The following SIPA1L2 variants were observed in gnomAD, a reference collection of about 807,000 sequenced individuals.
The protein encoded by SIPA1L2 is signal-induced proliferation-associated 1-like protein 2.
In SIPA1L2, 56 loss-of-function variants were observed where a neutral mutation model predicts 163.9. The observed-to-expected ratio is 0.34, with a 90% confidence interval of 0.28 to 0.43. SIPA1L2 has a LOEUF of 0.43. SIPA1L2 is among the 20% of genes least tolerant of loss of function. The pLI is 1.00. For synonymous variants in SIPA1L2, 877 were observed against 865.7 expected, an observed-to-expected ratio of 1.01 and a Z score of -0.23; for missense variants, 1,974 against 2,193.5, an observed-to-expected ratio of 0.90 and a Z score of 2.00.
At chr1:232,552,798 C>G (rs1037074646) in intron 2 of SIPA1L2, among the ~76,000 whole-genome samples, 5 of 152,170 alleles carry the variant, frequency 3.3e-5, no homozygotes, top group Non-Finnish European at 7.3e-5. Context: ...CATAAAATGG[C>G]CACTACAATT....
At chr1:232,457,321 C>T (rs527651783) in intron 10 of SIPA1L2, among the ~76,000 whole-genome samples, 9 of 152,240 alleles carry the variant, frequency 5.9e-5, no homozygotes, top group East Asian at 3.9e-4. Context: ...TTTTCTAAAA[C>T]GGGAGTTGAT....
At chr1:232,441,477 G>T in intron 13 of SIPA1L2, 83 bp from the exon 14 acceptor site, 1 of 1,172,850 alleles carries the variant, frequency 8.5e-7, no homozygotes, top group South Asian at 1.3e-5. Context: ...CAGACAAGTG[G>T]TTTGGTAAAC....
intron 1 of SIPA1L2, among the ~76,000 whole-genome samples, chr1:232,596,095 G>A (rs76325502): frequency 0.038 from 5,797 of 152,254 alleles, 159 homozygotes; most frequent in Non-Finnish European, 0.057. Context: ...GGTGAGGGTG[G>A]AGGCTAGACA....
intron 1 of SIPA1L2, among the ~76,000 whole-genome samples, chr1:232,599,152 C>A (rs879126718): frequency 6.6e-6 from 1 of 152,224 alleles, no homozygotes; most frequent in African/African-American, 2.4e-5. Context: ...TATGCTTAAA[C>A]CCTATAAAGT....
At chr1:232,562,250 TA>T (rs1659081577) in intron 2 of SIPA1L2, among the ~76,000 whole-genome samples, 1 of 152,240 alleles carries the variant, frequency 6.6e-6, no homozygotes, top group African/African-American at 2.4e-5. Flanking sequence ...CATGCGTCTG[TA>T]ACAGCAGCAG....
chr1:232,462,946 G>A (rs1664317103), intron 9 of SIPA1L2, among the ~76,000 whole-genome samples: 3 of 152,156 alleles, frequency 2.0e-5, no homozygotes, highest in Admixed American at 6.5e-5. Flanking sequence ...AAAGTCTGAA[G>A]TAAGGTGTTC....
chr1:232,432,546 CACAA>C, intron 15 of SIPA1L2, 75 bp from the exon 16 acceptor site: 1 of 1,411,012 alleles, frequency 7.1e-7, no homozygotes, highest in Non-Finnish European at 9.9e-7. Context: ...AATTCAGAGC[CACAA>C]GGCTTTACTC....
intron 19 of SIPA1L2, among the ~76,000 whole-genome samples, chr1:232,406,735 A>T (rs1453515916): frequency 6.6e-6 from 1 of 152,090 alleles, no homozygotes; most frequent in Non-Finnish European, 1.5e-5. Flanking sequence ...GTGGGGGTGA[A>T]TGGTCTGATC....
chr1:232,491,641 C>T (rs1665935388), intron 4 of SIPA1L2, among the ~76,000 whole-genome samples: 1 of 152,262 alleles, frequency 6.6e-6, no homozygotes, highest in South Asian at 2.1e-4. Flanking sequence ...AAATTCACCA[C>T]AGAAACATGC....
chr1:232,412,191 A>G (rs192506382), intron 19 of SIPA1L2, among the ~76,000 whole-genome samples: 3 of 152,364 alleles, frequency 2.0e-5, no homozygotes, highest in Admixed American at 1.3e-4. Flanking sequence ...AATGAAGGTG[A>G]ACATATCATA....
At chr1:232,422,968 A>G (rs142234152) in intron 18 of SIPA1L2, among the ~76,000 whole-genome samples, 1 of 152,294 alleles carries the variant, frequency 6.6e-6, no homozygotes, top group Non-Finnish European at 1.5e-5. Context: ...AATGGTGCAA[A>G]AGTGATACAT....
intron 10 of SIPA1L2, among the ~76,000 whole-genome samples, chr1:232,448,086 T>A (rs1390023379): frequency 6.6e-6 from 1 of 152,142 alleles, no homozygotes; most frequent in Non-Finnish European, 1.5e-5. Flanking sequence ...CCCTAAAAGG[T>A]CACAGGCTAG....
intron 3 of SIPA1L2, among the ~76,000 whole-genome samples, chr1:232,494,660 T>A (rs376904683): frequency 1.3e-5 from 2 of 152,230 alleles, no homozygotes; most frequent in Non-Finnish European, 2.9e-5. Context: ...TCAAACTTTT[T>A]AAATGTTTCC....
intron 15 of SIPA1L2, among the ~76,000 whole-genome samples, chr1:232,438,307 CT>C (rs1388362307): frequency 6.6e-6 from 1 of 152,146 alleles, no homozygotes; most frequent in Non-Finnish European, 1.5e-5. Flanking sequence ...CAGAGAGTAA[CT>C]TGGAGCTGAA....
intron 8 of SIPA1L2, among the ~76,000 whole-genome samples, chr1:232,470,813 T>C (rs1291524329): frequency 6.6e-6 from 1 of 152,198 alleles, no homozygotes; most frequent in Non-Finnish European, 1.5e-5. Context: ...AAAGACCCAT[T>C]GTTTTACCAA....
At chr1:232,410,874 A>C (rs950539351) in intron 19 of SIPA1L2, among the ~76,000 whole-genome samples, 3 of 152,176 alleles carry the variant, frequency 2.0e-5, no homozygotes, top group Admixed American at 6.5e-5. Context: ...ACTGAGATCC[A>C]CTTGGGGCCA....
chr1:232,424,352 G>GAAAAAAAAAAAAAAA (rs1661764460), intron 18 of SIPA1L2, among the ~76,000 whole-genome samples: 1 of 90,698 alleles, frequency 1.1e-5, no homozygotes. Context: ...AAAAAAAAAG[G>GAAAAAAAAAAAAAAA]ACATACATCT....
At chr1:232,607,759 T>TAAAA (rs775834153) in intron 1 of SIPA1L2, among the ~76,000 whole-genome samples, 2 of 144,956 alleles carry the variant, frequency 1.4e-5, no homozygotes, top group East Asian at 2.1e-4. Flanking sequence ...CACCTCTTTT[T>TAAAA]TAAAAAAAAA....
At position 232,425,575 on chromosome 1, in the gene SIPA1L2, A is replaced by G. The variant is rs1254651316; in HGVS notation, c.4630+14T>C. The G allele has an allele frequency of 1.9e-6, 3 of 1,550,810 alleles. No homozygotes were observed. In the African/African-American group the frequency reaches 4.1e-5, roughly 21 times the overall value. On this transcript the variant is annotated intron_variant, in intron 18 of 22. Coordinates refer to ENST00000674635, the MANE Select transcript of SIPA1L2 (RefSeq NM_020808.5). ...CCTCGGCGCTGGCCAGGGAGCAGCC[A>G]GCCCCTCACTTACTTCTCAGGCTCC...
Sources: gnomAD v4.1 joint callset for allele counts (sites outside exome capture counted in the v4.1 genomes callset) on GRCh38, gnomAD v4.1.1 for gene constraint, MANE v1.5 for transcripts, NCBI Gene and HGNC (gene_info 2026-07-23, HGNC 2026-07-21) for gene names.